The following SPIDR variants were observed in gnomAD, a reference collection of about 807,000 sequenced individuals.
SPIDR encodes the protein scaffold protein involved in DNA repair, also known as DNA repair-scaffolding protein.
A neutral mutation model predicts 104.6 loss-of-function variants in SPIDR; 93 were observed. That is an observed-to-expected ratio of 0.89 (90% CI 0.75 to 1.06). SPIDR has a LOEUF of 1.06. Among genes scored for constraint, SPIDR ranks in the 50% least tolerant of loss-of-function variants. The pLI is 0.00. For synonymous variants in SPIDR, 431 were observed against 416.9 expected (o/e 1.03, Z -0.41); for missense variants, 1,154 against 1,111.2 (o/e 1.04, Z -0.55).
chr8:47,583,624 G>A (rs1336381167), intron 8 of SPIDR, among the ~76,000 whole-genome samples: 1 of 152,218 alleles, frequency 6.6e-6, no homozygotes, highest in Non-Finnish European at 1.5e-5. Context: ...TAGATAGATA[G>A]CACTGGTACT....
At chr8:47,597,796 C>G (rs1431481780) in intron 9 of SPIDR, among the ~76,000 whole-genome samples, 1 of 152,182 alleles carries the variant, frequency 6.6e-6, no homozygotes, top group East Asian at 1.9e-4. Context: ...TAGGGAACCA[C>G]TAAAATTCAC....
At chr8:47,735,095 GGTGT>G (rs146992468) in intron 19 of SPIDR, among the ~76,000 whole-genome samples, 36 of 146,156 alleles carry the variant, frequency 2.5e-4, no homozygotes, top group African/African-American at 5.4e-4. Flanking sequence ...TGGGTGTGTG[GGTGT>G]GTGTGTGTGT....
chr8:47,655,496 T>A (rs1227492778), intron 10 of SPIDR, among the ~76,000 whole-genome samples: 1 of 152,254 alleles, frequency 6.6e-6, no homozygotes, highest in African/African-American at 2.4e-5. Context: ...CATTTTTTCA[T>A]GTGTCTTTTG....
intron 5 of SPIDR, among the ~76,000 whole-genome samples, chr8:47,296,060 T>A (rs1451428212): frequency 6.6e-6 from 1 of 152,190 alleles, no homozygotes; most frequent in Non-Finnish European, 1.5e-5. Context: ...TTAATATATA[T>A]CTGTTGGCCA....
intron 16 of SPIDR, among the ~76,000 whole-genome samples, chr8:47,714,373 G>A (rs1356337846): frequency 6.6e-6 from 1 of 152,146 alleles, no homozygotes; most frequent in Non-Finnish European, 1.5e-5. Flanking sequence ...GGATGTGGCA[G>A]GCAAAGTCAG....
chr8:47,355,271 T>TAAAA (rs34902790), intron 5 of SPIDR, among the ~76,000 whole-genome samples: 3 of 116,568 alleles, frequency 2.6e-5, no homozygotes, highest in Admixed American at 9.2e-5. Context: ...AGGTTTTTTG[T>TAAAA]AAAAAAAAAA....
intron 5 of SPIDR, among the ~76,000 whole-genome samples, chr8:47,344,453 G>A (rs150661821): frequency 0.016 from 2,469 of 152,232 alleles, 63 homozygotes; most frequent in African/African-American, 0.057. Flanking sequence ...CTTTATAATA[G>A]CATGATTTAT....
At chr8:47,548,479 C>T (rs1367841444) in intron 8 of SPIDR, among the ~76,000 whole-genome samples, 1 of 152,178 alleles carries the variant, frequency 6.6e-6, no homozygotes, top group African/African-American at 2.4e-5. Flanking sequence ...GAAACCCTGT[C>T]TCTACTAAAA....
rs374426894 is a variant in SPIDR at position 47,484,921 on chromosome 8, C to T, written c.1097+44379C>T. On this transcript the variant is annotated intron_variant, in intron 8 of 19. Coordinates refer to ENST00000297423, the MANE Select transcript of SPIDR (RefSeq NM_001080394.4). ...TCCAGTCTACAGCTCCCAGCATAAG[C>T]GACACAGAAGATGGGTGATATCTGC... 8.5e-5 allele frequency among the ~76,000 whole-genome samples: 13 copies of T among 152,274 alleles called. No individual in the cohort carries two copies. In the South Asian group the frequency reaches 1.5e-3, roughly 17 times the overall value.
chr8:47,425,982 C>T (rs918669685), intron 7 of SPIDR, among the ~76,000 whole-genome samples: 19 of 152,032 alleles, frequency 1.2e-4, no homozygotes, highest in Admixed American at 3.9e-4. Context: ...CGGTGACTCA[C>T]GCCTGTAATC....
At chr8:47,712,356 G>T (rs1484244582) in intron 14 of SPIDR, among the ~76,000 whole-genome samples, 1 of 152,118 alleles carries the variant, frequency 6.6e-6, no homozygotes, top group East Asian at 1.9e-4. Flanking sequence ...AACATTCTAA[G>T]TATATAAACA....
chr8:47,715,964 CTTT>C (rs965625857), intron 16 of SPIDR, among the ~76,000 whole-genome samples: 7 of 127,088 alleles, frequency 5.5e-5, no homozygotes, highest in Non-Finnish European at 5.0e-5. Flanking sequence ...TCTCTTTTTT[CTTT>C]TTTTTTTTTT....
At chr8:47,694,203 A>G (rs2079039853) in intron 11 of SPIDR, among the ~76,000 whole-genome samples, 1 of 152,248 alleles carries the variant, frequency 6.6e-6, no homozygotes, top group South Asian at 2.1e-4. Flanking sequence ...TAGGATTCCT[A>G]TCTAAGTTTA....
chr8:47,648,866 C>G (rs752034242), intron 10 of SPIDR, among the ~76,000 whole-genome samples: 19 of 151,914 alleles, frequency 1.3e-4, no homozygotes, highest in Non-Finnish European at 2.1e-4. Flanking sequence ...TCGATGAAAA[C>G]AAATGAAAAA....
chr8:47,458,502 T>C (rs2073404790), intron 8 of SPIDR, among the ~76,000 whole-genome samples: 1 of 151,952 alleles, frequency 6.6e-6, no homozygotes, highest in African/African-American at 2.4e-5. Flanking sequence ...CCTAAAACTT[T>C]GCTGAATTCG....
At chr8:47,390,736 A>G (rs1554651308) in intron 5 of SPIDR, among the ~76,000 whole-genome samples, 1 of 152,012 alleles carries the variant, frequency 6.6e-6, no homozygotes, top group African/African-American at 2.4e-5. Flanking sequence ...ATCTTAAAAT[A>G]TTTCTCAAAG....
At chr8:47,662,198 C>T (rs550641112) in intron 10 of SPIDR, among the ~76,000 whole-genome samples, 5 of 152,264 alleles carry the variant, frequency 3.3e-5, no homozygotes, top group Admixed American at 2.0e-4. Flanking sequence ...CTGACAGAAG[C>T]CAAAGAGGCA....
intron 7 of SPIDR, among the ~76,000 whole-genome samples, chr8:47,419,663 G>A (rs1175941327): frequency 1.3e-5 from 2 of 152,036 alleles, no homozygotes; most frequent in East Asian, 3.8e-4. Flanking sequence ...TCTGCTAGCT[G>A]TTGAGTGTGT....
chr8:47,440,216 G>A (rs1554695458), intron 7 of SPIDR, 107 bp from the exon 8 acceptor site: 1 of 916,224 alleles, frequency 1.1e-6, no homozygotes, highest in Non-Finnish European at 1.7e-6. Flanking sequence ...TTCTCCAGGT[G>A]AAGAGTGCTA....
Sources: allele counts gnomAD v4.1 joint callset (sites outside exome capture counted in the v4.1 genomes callset), GRCh38; gene constraint gnomAD v4.1.1; transcripts MANE v1.5; gene names NCBI Gene and HGNC (gene_info 2026-07-23, HGNC 2026-07-21).